PTPRN: variants seen among roughly 807,000 people sequenced by gnomAD.
The protein encoded by PTPRN is protein tyrosine phosphatase receptor type N, also known as receptor-type tyrosine-protein phosphatase-like N.
In PTPRN, 70 loss-of-function variants were observed where a neutral mutation model predicts 108.5. The ratio of observed to expected loss-of-function variants is 0.65; its 90% CI spans 0.53 to 0.79. PTPRN has a LOEUF of 0.79. Among genes scored for constraint, PTPRN ranks in the 30% least tolerant of loss-of-function variants. PTPRN has a pLI of 0.00. For missense variants in PTPRN, 1,136 were observed against 1,295.5 expected, an observed-to-expected ratio of 0.88 and a Z score of 1.89; for synonymous variants, 496 against 524.6, an observed-to-expected ratio of 0.95 and a Z score of 0.75.
chr2:219,300,386 G>A, intron 8 of PTPRN, 127 bp from the exon 9 acceptor site: 3 of 997,418 alleles, frequency 3.0e-6, no homozygotes, highest in Non-Finnish European at 4.3e-6. Flanking sequence ...GACCACTGCA[G>A]TGCTGGGTAC....
Position 219,309,370 on chromosome 2 carries a change from C to T in PTPRN, c.-38G>A, listed in dbSNP as rs554954138. 4.8e-4 allele frequency: 540 copies of T among 1,133,220 alleles called. 2 individuals are homozygous for T. In the African/African-American group the frequency reaches 8.1e-3, roughly 17 times the overall value. The allele number at this position is 1,133,220 out of a possible 1,614,324, so 70.2% of individuals were successfully genotyped here. A position where few individuals can be genotyped will look rare whatever the true frequency, so the allele number is the denominator to read the frequency against. On this transcript the variant is annotated 5_prime_UTR_variant, in exon 1 of 23. Transcript: ENST00000295718. ...CGGGCGCTCGCTCCCGGGCCGGAGCCGCAGCGACGCTGGCGGGAGCCTGCC... is the reference window on the plus strand; with the variant it reads ...CGGGCGCTCGCTCCCGGGCCGGAGCTGCAGCGACGCTGGCGGGAGCCTGCC...
At position 219,296,578 on chromosome 2, in the gene PTPRN, T is replaced by G. The variant is rs1952201839; in HGVS notation, c.2311-62A>C. ...GAAATGCCACTATGGACAGGCGTGG[T>G]CAGAGCAAGTGGGTCAGGGTCTGAG... On this transcript the variant is annotated intron_variant, in intron 16 of 22. Transcript: ENST00000295718. This position sits in a 1 kb window ranked among gnomAD's most constrained non-coding sequence, Gnocchi z 6.0. The G allele has an allele frequency of 6.3e-7, 1 of 1,599,628 alleles. No individual in the cohort carries two copies. Among genetic ancestry groups the G allele is most frequent in the African/African-American group, 1.3e-5 (1 of 74,634 alleles).
chr2:219,294,550 G>C (rs926284734), intron 19 of PTPRN, among the ~76,000 whole-genome samples: 1 of 120,896 alleles, frequency 8.3e-6, no homozygotes, highest in South Asian at 2.6e-4. Context: ...ACGGGCAGGC[G>C]GGAGTGAGAG....
rs1337910460 is a variant in PTPRN at position 219,307,846 on chromosome 2, T to C, written c.116-4A>G. 2 of 1,613,874 alleles carry C rather than the reference T, an allele frequency of 1.2e-6. No homozygotes were observed. Among genetic ancestry groups the C allele is most frequent in the African/African-American group, 1.3e-5 (1 of 74,868 alleles). The stretch of plus-strand genomic sequence containing the variant: ...AGCCTGCGGTCAAATAGACAGCCTG[T>C]AGAGGAAAAGGTGAGCAGAGGCTCA... On this transcript the variant is annotated splice_polypyrimidine_tract_variant and splice_region_variant and intron_variant, in intron 1 of 22. Transcript: ENST00000295718.
chr2:219,292,076 G>A (rs912599194), intron 19 of PTPRN: 8 of 161,312 alleles, frequency 5.0e-5, no homozygotes, highest in South Asian at 1.7e-4. Flanking sequence ...TTTTCCTCCC[G>A]ACTCAGGCTC....
chr2:219,301,687 C>T lies in PTPRN; in HGVS notation c.1027G>A (p.Ala343Thr). The T allele has an allele frequency of 1.9e-6, 3 of 1,612,846 alleles. No homozygotes were observed. The highest frequency in any genetic ancestry group is 2.5e-6 in the Non-Finnish European group (3 of 1,178,972). Residue 343 changes from alanine to threonine, a missense_variant, in exon 7 of 23, where the codon GCG becomes ACG. By Grantham distance (58) the Ala-to-Thr change is moderately conservative. Coordinates refer to ENST00000295718, the MANE Select transcript of PTPRN (RefSeq NM_002846.4). ...AALQRLAAVL[A>T]GYGVELRQLT... The stretch of plus-strand genomic sequence containing the variant: ...TGACGCAGCTCTACCCCATAGCCCG[C>T]CAGCACAGCGGCCAGCCTCTGCAGA...
rs1952028585 is a variant in PTPRN at position 219,290,502 on chromosome 2, G to A, written c.2868+36C>T. ...GCCAAGAAGTGGGTGCTAGGGAAGG[G>A]TGGGAGCTGGGGTTGGGGCAGGAAG... is the stretch of plus-strand genomic sequence containing the variant. On this transcript the variant is annotated intron_variant, in intron 22 of 22. Coordinates refer to ENST00000295718, the MANE Select transcript of PTPRN (RefSeq NM_002846.4). The surrounding 1 kb of genome is among the most constrained non-coding windows in gnomAD (Gnocchi z 4.2). 6.5e-7 allele frequency: 1 copy of A among 1,537,606 alleles called. No individual in the cohort carries two copies. The highest frequency in any genetic ancestry group is 2.5e-5 in the East Asian group (1 of 40,790).
chr2:219,294,716 C>T (rs1043695180), intron 19 of PTPRN, among the ~76,000 whole-genome samples: 1 of 152,034 alleles, frequency 6.6e-6, no homozygotes, highest in African/African-American at 2.4e-5. Context: ...GGAGCCAGTC[C>T]CGGGAGCGTG....
Position 219,302,153 on chromosome 2 carries a change from G to A in PTPRN, c.978C>T (p.Ser326=). The stretch of plus-strand genomic sequence containing the variant: ...CCTTGTTACCTGGCTGCACAGCTGG[G>A]GAAGCAGGCTTCTCTCCACGATCCC... ...GLGDRGEKPA[S]PAVQPDAALQ... is the part of the protein sequence containing the mutation. Residue 326 remains serine (S), a synonymous_variant, in exon 6 of 23, where the codon TCC becomes TCT. Coordinates refer to ENST00000295718, the MANE Select transcript of PTPRN (RefSeq NM_002846.4). 6.3e-7 allele frequency: 1 copy of A among 1,588,362 alleles called. No homozygotes were observed. The highest frequency in any genetic ancestry group is 8.6e-7 in the Non-Finnish European group (1 of 1,162,950).
intron 19 of PTPRN, chr2:219,292,533 A>G (rs1459628164): frequency 6.6e-6 from 1 of 152,216 alleles, no homozygotes; most frequent in African/African-American, 2.4e-5. Context: ...ATGGTTTTCT[A>G]GCTCATTGGC....
intron 18 of PTPRN, chr2:219,296,000 AC>A: frequency 1.7e-6 from 1 of 589,780 alleles, no homozygotes; most frequent in Non-Finnish European, 2.9e-6. Flanking sequence ...ACACACACAC[AC>A]ACATGTATGT....
At position 219,296,373 on chromosome 2, in the gene PTPRN, A is replaced by T. The variant is rs201070006; in HGVS notation, c.2389-28T>A. On this transcript the variant is annotated intron_variant, in intron 17 of 22. Transcript: ENST00000295718. The surrounding 1 kb of genome is among the most constrained non-coding windows in gnomAD (Gnocchi z 6.0). ...AGGGACAGAGACCCAGTTGAGCTCC[A>T]CTCTAACCTCCCTGGGACCTCGTGG... 260 of 1,613,674 alleles carry T rather than the reference A, an allele frequency of 1.6e-4. No homozygotes were observed. The highest frequency in any genetic ancestry group is 8.1e-5 in the Non-Finnish European group (95 of 1,179,914).
rs770131939 is a variant in PTPRN at position 219,303,812 on chromosome 2, G to A, written c.300C>T (p.Asp100=). 2 of 1,613,340 alleles carry A rather than the reference G, an allele frequency of 1.2e-6. No individual in the cohort carries two copies. The highest frequency in any genetic ancestry group is 1.7e-6 in the Non-Finnish European group (2 of 1,179,594). ...LMSQGLSWHD[D]LTQYVISQEM... is the part of the protein sequence containing the mutation. ...CCTGAGAGATCACATACTGGGTGAG[G>A]TCATCGTGCCAGGACAATCCTGTCA... is the stretch of plus-strand genomic sequence containing the variant. Residue 100 remains aspartate (D), a synonymous_variant, in exon 4 of 23, where the codon GAC becomes GAT. Transcript: ENST00000295718.
chr2:219,302,210 G>A lies in PTPRN; in HGVS notation c.921C>T (p.Asp307=), dbSNP rs780519332. The change falls in exon 6 of 23, where the codon GAC becomes GAT. Residue 307 remains aspartate (D), a synonymous_variant. Coordinates refer to ENST00000295718, the MANE Select transcript of PTPRN (RefSeq NM_002846.4). Reference sequence around the variant, plus strand: ...CTTCCTTCTCATAGCCCTCTGGGGAGTCCTCTGCCCGGCTGCTGCTCCCTT... The same window carrying A: ...CTTCCTTCTCATAGCCCTCTGGGGAATCCTCTGCCCGGCTGCTGCTCCCTT... ...PEQGSSSRAE[D]SPEGYEKEGL... 7 of 1,613,972 alleles carry A rather than the reference G, an allele frequency of 4.3e-6. No individual in the cohort carries two copies. In the South Asian group the frequency reaches 7.7e-5, roughly 18 times the overall value.
chr2:219,294,076 TC>T, intron 19 of PTPRN: 1 of 524,998 alleles, frequency 1.9e-6, no homozygotes, highest in Non-Finnish European at 3.9e-6. Flanking sequence ...CTCGGGGTGG[TC>T]CCCGGGCCAC....
chr2:219,300,526 G>T (rs1268221135), intron 8 of PTPRN: 2 of 480,448 alleles, frequency 4.2e-6, no homozygotes, highest in East Asian at 6.6e-5. Flanking sequence ...AGCAAGAGAA[G>T]CTGGGGTGAG....
At chr2:219,303,879 C>A in intron 3 of PTPRN, 48 bp from the exon 4 acceptor site, 2 of 1,457,862 alleles carry the variant, frequency 1.4e-6, no homozygotes, top group Non-Finnish European at 1.9e-6. Flanking sequence ...TCTGGGGATC[C>A]AGTAACGGGG....
At chr2:219,307,650 C>T in intron 2 of PTPRN, 93 bp from the exon 3 acceptor site, 1 of 1,444,042 alleles carries the variant, frequency 6.9e-7, no homozygotes, top group African/African-American at 1.4e-5. Flanking sequence ...TCACTTTCTC[C>T]CCTACCTCTC....
Position 219,290,391 on chromosome 2 carries a change from C to T in PTPRN, c.2869-94G>A. ...CTTTTGGTGGGGGGAGGGCCCTGGG[C>T]AGGTCCCCTGGGAGGAAGGGAGCCC... On this transcript the variant is annotated intron_variant, in intron 22 of 22. Transcript: ENST00000295718. This position sits in a 1 kb window ranked among gnomAD's most constrained non-coding sequence, Gnocchi z 4.2. 1.4e-6 allele frequency: 2 copies of T among 1,414,354 alleles called. No individual in the cohort carries two copies. Among genetic ancestry groups the T allele is most frequent in the South Asian group, 2.4e-5 (2 of 82,584 alleles). The allele number at this position is 1,414,354 out of a possible 1,614,324, so 87.6% of individuals were successfully genotyped here.
Sources: gnomAD v4.1 joint callset for allele counts (sites outside exome capture counted in the v4.1 genomes callset) on GRCh38, gnomAD v4.1.1 for gene constraint, Gnocchi (gnomAD v3.1) non-coding constraint, MANE v1.5 for transcripts, NCBI Gene and HGNC (gene_info 2026-07-23, HGNC 2026-07-21) for gene names.